Variants in C10orf67 observed in about 807,000 individuals in gnomAD.
C10orf67 encodes chromosome 10 open reading frame 67.
C10orf67 carries 60 observed loss-of-function variants against 35.6 expected under a neutral mutation model. That is an observed-to-expected ratio of 1.68 (90% CI 1.37 to 2.09). The LOEUF is 2.09. Ranked by LOEUF, C10orf67 falls within the 30% of genes most tolerant of loss-of-function variation. The pLI, the probability that C10orf67 is intolerant of heterozygous loss-of-function variation, is 0.00. For missense variants in C10orf67, 474 were observed against 330.2 expected (o/e 1.44, Z -3.38); for synonymous variants, 167 against 115.8 (o/e 1.44, Z -2.84).
rs909577716 is a variant in C10orf67 at position 23,322,593 on chromosome 10, A to G, written c.328-56T>C. 5.9e-6 allele frequency: 7 copies of G among 1,194,378 alleles called. No homozygotes were observed. The African/African-American group carries it at 1.1e-4, about 18-fold the overall frequency. 74.0% of individuals were successfully genotyped at this position (1,194,378 alleles called of 1,614,324 possible). A position where few individuals can be genotyped will look rare whatever the true frequency, so the allele number is the denominator to read the frequency against. ...GTAACACAGGAACAGAAAACCAAAT[A>G]CTGCATGTTGTCACTTGCTAAGTGG... On this transcript the variant is annotated intron_variant, in intron 2 of 15. Coordinates refer to ENST00000636213, the MANE Select transcript of C10orf67 (RefSeq NM_001371909.1).
intron 10 of C10orf67, among the ~76,000 whole-genome samples, chr10:23,261,050 G>T (rs573506910): frequency 2.0e-5 from 3 of 152,058 alleles, no homozygotes; most frequent in Non-Finnish European, 4.4e-5. Flanking sequence ...ATCATTTCTG[G>T]GGGAATGAAT....
At chr10:23,247,591 T>C (rs1842349927) in intron 12 of C10orf67, among the ~76,000 whole-genome samples, 1 of 152,200 alleles carries the variant, frequency 6.6e-6, no homozygotes, top group South Asian at 2.1e-4. Flanking sequence ...CTGTCATTTA[T>C]ATATATAATA....
At chr10:23,275,411 C>A (rs1843159128) in intron 8 of C10orf67, among the ~76,000 whole-genome samples, 1 of 152,172 alleles carries the variant, frequency 6.6e-6, no homozygotes, top group South Asian at 2.1e-4. Context: ...CCTCTCAAAA[C>A]CCTTCGGGAA....
chr10:23,202,039 C>A (rs757039842), downstream of C10orf67: 6 of 152,188 alleles, frequency 3.9e-5, no homozygotes, highest in Non-Finnish European at 7.3e-5. Context: ...ATGCAAATTT[C>A]TTTCAATGGT....
At chr10:23,259,392 A>G (rs2132178596) in intron 10 of C10orf67, among the ~76,000 whole-genome samples, 1 of 152,344 alleles carries the variant, frequency 6.6e-6, no homozygotes, top group East Asian at 1.9e-4. Flanking sequence ...AAAGATTGCA[A>G]GACTCAGCCT....
At chr10:23,204,925 G>A (rs1470331631) in intron 15 of C10orf67, among the ~76,000 whole-genome samples, 1 of 152,166 alleles carries the variant, frequency 6.6e-6, no homozygotes, top group East Asian at 1.9e-4. Context: ...CAAAGGCCCT[G>A]GGCTAATCCC....
chr10:23,309,910 C>T (rs554488052), intron 4 of C10orf67, among the ~76,000 whole-genome samples: 1 of 152,200 alleles, frequency 6.6e-6, no homozygotes, highest in Non-Finnish European at 1.5e-5. Flanking sequence ...TCAGCTGAAG[C>T]AATTGTTTGA....
intron 5 of C10orf67, among the ~76,000 whole-genome samples, chr10:23,291,542 C>A (rs1843719462): frequency 6.6e-6 from 1 of 152,138 alleles, no homozygotes; most frequent in Admixed American, 6.5e-5. Context: ...CCTCATCATT[C>A]AGGTCAATTC....
At chr10:23,208,766 C>T (rs993972686) in intron 15 of C10orf67, among the ~76,000 whole-genome samples, 5 of 152,262 alleles carry the variant, frequency 3.3e-5, no homozygotes, top group African/African-American at 1.2e-4. Context: ...CTGGTCTTGG[C>T]CCTGTGACTT....
At chr10:23,287,203 TCA>T (rs1323594381) in intron 7 of C10orf67, among the ~76,000 whole-genome samples, 1 of 152,150 alleles carries the variant, frequency 6.6e-6, no homozygotes, top group African/African-American at 2.4e-5. Flanking sequence ...GTTGGAGGCA[TCA>T]CACTACCTAA....
At chr10:23,300,345 G>A (rs1006028016) in intron 5 of C10orf67, among the ~76,000 whole-genome samples, 6 of 152,114 alleles carry the variant, frequency 3.9e-5, no homozygotes, top group Non-Finnish European at 8.8e-5. Context: ...TCCAAAGTCC[G>A]CTTGCCTGAG....
intron 10 of C10orf67, among the ~76,000 whole-genome samples, chr10:23,254,233 G>C (rs1017727660): frequency 6.6e-6 from 1 of 152,118 alleles, no homozygotes; most frequent in Non-Finnish European, 1.5e-5. Context: ...TTGAGACAGA[G>C]TTTCACTCTT....
intron 1 of C10orf67, among the ~76,000 whole-genome samples, chr10:23,342,622 A>C (rs941942322): frequency 2.0e-5 from 3 of 152,178 alleles, no homozygotes; most frequent in Non-Finnish European, 4.4e-5. Flanking sequence ...AGGGCAGGAC[A>C]CCATTCCTAT....
At chr10:23,320,691 A>G in intron 4 of C10orf67, 50 bp downstream of exon 4, 1 of 1,392,666 alleles carries the variant, frequency 7.2e-7, no homozygotes, top group Non-Finnish European at 1.0e-6. Flanking sequence ...TGCACACAGC[A>G]GCTGAAGCTA....
chr10:23,206,029 C>A (rs1355676443), intron 15 of C10orf67, among the ~76,000 whole-genome samples: 1 of 152,180 alleles, frequency 6.6e-6, no homozygotes, highest in Non-Finnish European at 1.5e-5. Context: ...TCGCCATCCC[C>A]AATCATTTTT....
At chr10:23,274,477 T>C (rs992067130) in intron 8 of C10orf67, among the ~76,000 whole-genome samples, 6 of 152,130 alleles carry the variant, frequency 3.9e-5, no homozygotes, top group African/African-American at 1.2e-4. Flanking sequence ...TAATTATTAA[T>C]ATTTCTTGCT....
chr10:23,234,514 G>T (rs1419774370), intron 13 of C10orf67, among the ~76,000 whole-genome samples: 1 of 152,110 alleles, frequency 6.6e-6, no homozygotes, highest in African/African-American at 2.4e-5. Flanking sequence ...CAACTACATT[G>T]AGGCCTACCA....
At chr10:23,283,495 A>G (rs1419179169) in intron 7 of C10orf67, among the ~76,000 whole-genome samples, 1 of 151,664 alleles carries the variant, frequency 6.6e-6, no homozygotes, top group African/African-American at 2.4e-5. Flanking sequence ...CCTCCCATTA[A>G]TTTTCTTTCT....
At chr10:23,342,460 T>A (rs990302691) in intron 1 of C10orf67, among the ~76,000 whole-genome samples, 4 of 152,140 alleles carry the variant, frequency 2.6e-5, no homozygotes, top group African/African-American at 4.8e-5. Flanking sequence ...ACCAGCTCAG[T>A]CGCCCTAGTA....
Sources: gnomAD v4.1 joint callset for allele counts (sites outside exome capture counted in the v4.1 genomes callset) on GRCh38, gnomAD v4.1.1 for gene constraint, MANE v1.5 for transcripts, NCBI Gene and HGNC (gene_info 2026-07-23, HGNC 2026-07-21) for gene names.